Variants in OCA2 observed in about 807,000 individuals in gnomAD.
OCA2 encodes OCA2 melanosomal transmembrane protein.
OCA2 carries 77 observed loss-of-function variants against 100.2 expected under a neutral mutation model. The ratio of observed to expected loss-of-function variants is 0.77; its 90% CI spans 0.64 to 0.93. The LOEUF (loss-of-function observed/expected upper bound fraction) is 0.93, where lower values mean the gene tolerates loss of function less well. OCA2 is among the 40% of genes least tolerant of loss of function. OCA2 has a pLI of 0.00. For synonymous variants in OCA2, 432 were observed against 439.2 expected, an observed-to-expected ratio of 0.98 and a Z score of 0.21; for missense variants, 1,062 against 1,089.1, an observed-to-expected ratio of 0.98 and a Z score of 0.35.
intron 2 of OCA2, among the ~76,000 whole-genome samples, chr15:28,038,031 T>C (rs546543479): frequency 6.6e-6 from 1 of 152,310 alleles, no homozygotes; most frequent in African/African-American, 2.4e-5. Flanking sequence ...TCTATCCCTA[T>C]CTCCTCCCTT....
At chr15:27,837,326 G>A (rs927742629) in intron 23 of OCA2, among the ~76,000 whole-genome samples, 1 of 152,214 alleles carries the variant, frequency 6.6e-6, no homozygotes, top group African/African-American at 2.4e-5. Flanking sequence ...GGTACTGACA[G>A]CCACCCAATG....
intron 23 of OCA2, among the ~76,000 whole-genome samples, chr15:27,799,158 C>A (rs550682050): frequency 6.6e-6 from 1 of 152,340 alleles, no homozygotes; most frequent in Admixed American, 6.5e-5. Flanking sequence ...ACAGGGGAGA[C>A]GATCGCTTCT....
chr15:27,994,216 C>T (rs1336268041), intron 9 of OCA2, among the ~76,000 whole-genome samples: 1 of 152,070 alleles, frequency 6.6e-6, no homozygotes, highest in South Asian at 2.1e-4. Context: ...CTCATAGGAG[C>T]GTGAACCTTA....
intron 7 of OCA2, among the ~76,000 whole-genome samples, chr15:28,016,604 C>G (rs28687663): frequency 1.3e-5 from 2 of 152,098 alleles, no homozygotes; most frequent in African/African-American, 4.8e-5. Context: ...CAGAGCAAGA[C>G]CCCTGTCTGC....
At chr15:27,903,034 G>A (rs534935448) in intron 19 of OCA2, among the ~76,000 whole-genome samples, 1 of 152,298 alleles carries the variant, frequency 6.6e-6, no homozygotes, top group East Asian at 1.9e-4. Flanking sequence ...CAGTCACCCC[G>A]CAAGGAAGGA....
intron 23 of OCA2, among the ~76,000 whole-genome samples, chr15:27,818,253 G>A (rs1244660093): frequency 6.6e-6 from 1 of 152,128 alleles, no homozygotes; most frequent in Non-Finnish European, 1.5e-5. Context: ...GCTGGGCATG[G>A]TGGCGCATGC....
At chr15:28,066,413 G>T (rs940904130) in intron 2 of OCA2, among the ~76,000 whole-genome samples, 1 of 152,084 alleles carries the variant, frequency 6.6e-6, no homozygotes, top group African/African-American at 2.4e-5. Flanking sequence ...GATGGGAGAG[G>T]GGGGTGGGAG....
rs116030419 is a variant in OCA2, at chr15:28,043,372, G to A, written c.228-11209C>T. 1.9e-3 allele frequency among the ~76,000 whole-genome samples: 288 copies of A among 152,318 alleles called. 1 individual carries two copies. Among genetic ancestry groups the A allele is most frequent in the African/African-American group, 6.6e-3 (276 of 41,580 alleles). ...ACATACCAGAAATAAAGCCAAACATGCATGGCTGTTTCTATCCAGCTTGCT... is the reference window on the plus strand; with the variant it reads ...ACATACCAGAAATAAAGCCAAACATACATGGCTGTTTCTATCCAGCTTGCT... On this transcript the variant is annotated intron_variant, in intron 2 of 23. Transcript: ENST00000354638. The surrounding 1 kb of genome is among the most constrained non-coding windows in gnomAD (Gnocchi z 4.4).
intron 14 of OCA2, among the ~76,000 whole-genome samples, chr15:27,980,438 A>T (rs183981436): frequency 9.9e-5 from 15 of 152,180 alleles, no homozygotes; most frequent in African/African-American, 1.9e-4. Context: ...GTAATTTTTT[A>T]AATTATGTGA....
intron 2 of OCA2, among the ~76,000 whole-genome samples, chr15:28,072,258 A>C (rs1014348329): frequency 2.0e-5 from 3 of 149,530 alleles, no homozygotes; most frequent in African/African-American, 7.5e-5. Flanking sequence ...CAGAGTGTTG[A>C]ATCTGGGCTG....
At chr15:27,770,855 T>TCCCTTCCA (rs1566949026) in intron 23 of OCA2, among the ~76,000 whole-genome samples, 3 of 104,584 alleles carry the variant, frequency 2.9e-5, no homozygotes, top group African/African-American at 1.1e-4. Flanking sequence ...CCTTCCTTCC[T>TCCCTTCCA]TTCTTCCTTC....
the OCA2 span, among the ~76,000 whole-genome samples, chr15:27,730,761 A>G: frequency 1.1e-4 from 7 of 65,616 alleles, no homozygotes; most frequent in East Asian, 4.5e-4. Flanking sequence ...ATATATATAT[A>G]TATATATATA....
At chr15:27,756,881 G>T (rs16950405) in intron 23 of OCA2, among the ~76,000 whole-genome samples, 3,121 of 152,314 alleles carry the variant, frequency 0.02, 102 homozygotes, top group African/African-American at 0.066. Context: ...GGGTGGTTTT[G>T]CCGTGCTCCC....
intron 18 of OCA2, among the ~76,000 whole-genome samples, chr15:27,937,618 G>A (rs769785858): frequency 1.5e-4 from 23 of 152,064 alleles, no homozygotes; most frequent in Non-Finnish European, 1.8e-4. Flanking sequence ...ATGGCATCTC[G>A]TTGTGGTTAA....
At chr15:27,780,291 G>C (rs2032470945) in intron 23 of OCA2, among the ~76,000 whole-genome samples, 1 of 152,210 alleles carries the variant, frequency 6.6e-6, no homozygotes, top group Non-Finnish European at 1.5e-5. Context: ...AAAGTGGTAT[G>C]CCCGAGACTA....
At chr15:28,058,884 G>T (rs937826510) in intron 2 of OCA2, among the ~76,000 whole-genome samples, 1 of 152,152 alleles carries the variant, frequency 6.6e-6, no homozygotes, top group African/African-American at 2.4e-5. Flanking sequence ...CAAGCCTGTG[G>T]TCCAGGGCCT....
chr15:27,940,645 T>TC (rs1567132801), intron 18 of OCA2, among the ~76,000 whole-genome samples: 2 of 152,212 alleles, frequency 1.3e-5, no homozygotes, highest in African/African-American at 4.8e-5. Flanking sequence ...TCCTGATACA[T>TC]CCGGCACAAG....
chr15:27,991,507 T>C (rs2041554213), intron 9 of OCA2, among the ~76,000 whole-genome samples: 1 of 152,134 alleles, frequency 6.6e-6, no homozygotes, highest in Non-Finnish European at 1.5e-5. Flanking sequence ...CTATATGAAC[T>C]TTCCAGAAAA....
intron 11 of OCA2, among the ~76,000 whole-genome samples, chr15:27,987,572 A>ACAAAAAATTAGCTG: frequency 1.4e-5 from 2 of 142,954 alleles, no homozygotes; most frequent in Non-Finnish European, 3.1e-5. Flanking sequence ...AAAAAAAAAT[A>ACAAAAAATTAGCTG]CAAAAAATTA....
Sources: allele counts gnomAD v4.1 joint callset (sites outside exome capture counted in the v4.1 genomes callset), GRCh38; gene constraint gnomAD v4.1.1; non-coding constraint Gnocchi (gnomAD v3.1); transcripts MANE v1.5; gene names NCBI Gene and HGNC (gene_info 2026-07-23, HGNC 2026-07-21).